The following FANCC variants were observed in gnomAD, a reference collection of about 807,000 sequenced individuals.
FANCC encodes FA complementation group C.
FANCC carries 55 observed loss-of-function variants against 71.3 expected under a neutral mutation model. The observed-to-expected ratio is 0.77, with a 90% CI of 0.62 to 0.97. The LOEUF (loss-of-function observed/expected upper bound fraction) is 0.97, where lower values mean the gene tolerates loss of function less well. Among genes scored for constraint, FANCC ranks in the 50% least tolerant of loss-of-function variants. The probability of loss-of-function intolerance (pLI) is 0.00; values close to 1 mark genes in which losing one functional copy is unlikely to be tolerated. For synonymous variants in FANCC, 275 were observed against 244.9 expected, an observed-to-expected ratio of 1.12 and a Z score of -1.15; for missense variants, 678 against 670.9, an observed-to-expected ratio of 1.01 and a Z score of -0.12.
Position 95,273,519 on chromosome 9 carries a change from C to T in FANCC, c.-78-24150G>A, listed in dbSNP as rs569716360. 5.9e-5 allele frequency among the ~76,000 whole-genome samples: 9 copies of T among 152,314 alleles called. No individual in the cohort carries two copies. The East Asian group carries it at 1.7e-3, about 29-fold the overall frequency. ...CAAATAGGAAGTGGAACTAGAAGCT[C>T]CTGCCACATCTCAGGGTGTCCACAT... On this transcript the variant is annotated intron_variant, in intron 1 of 14. Transcript: ENST00000289081.
chr9:95,308,670 C>A (rs1478583812), intron 1 of FANCC, among the ~76,000 whole-genome samples: 2 of 152,088 alleles, frequency 1.3e-5, no homozygotes, highest in Admixed American at 6.5e-5. Flanking sequence ...TGAGCCACCA[C>A]GCCCGGCCTA....
At chr9:95,160,421 G>T (rs1403046503) in intron 6 of FANCC, among the ~76,000 whole-genome samples, 1 of 152,036 alleles carries the variant, frequency 6.6e-6, no homozygotes, top group East Asian at 1.9e-4. Context: ...TGCTGTTTTG[G>T]TTACTACAGA....
chr9:95,235,006 A>G (rs917907551), intron 4 of FANCC, among the ~76,000 whole-genome samples: 1 of 152,228 alleles, frequency 6.6e-6, no homozygotes, highest in African/African-American at 2.4e-5. Context: ...TACTCAGTCA[A>G]CTAATTTAAA....
intron 4 of FANCC, among the ~76,000 whole-genome samples, chr9:95,199,940 T>G (rs1048362040): frequency 1.3e-5 from 2 of 152,180 alleles, no homozygotes; most frequent in Non-Finnish European, 2.9e-5. Flanking sequence ...CTTATCTTAT[T>G]TTTAGGATGA....
chr9:95,160,278 A>G (rs946143069), intron 6 of FANCC, among the ~76,000 whole-genome samples: 2 of 152,198 alleles, frequency 1.3e-5, no homozygotes, highest in Admixed American at 1.3e-4. Flanking sequence ...CATTTATTAA[A>G]TAGGGAATCC....
intron 1 of FANCC, among the ~76,000 whole-genome samples, chr9:95,300,503 T>A (rs1339623650): frequency 6.6e-6 from 1 of 151,032 alleles, no homozygotes; most frequent in Non-Finnish European, 1.5e-5. Context: ...CAGGCTGGAG[T>A]GCAGTGGCAC....
At chr9:95,249,761 C>A (rs1025250256) in intron 1 of FANCC, among the ~76,000 whole-genome samples, 3 of 152,008 alleles carry the variant, frequency 2.0e-5, no homozygotes, top group Admixed American at 1.3e-4. Flanking sequence ...ATAGTCTGTG[C>A]CTAAGAAATG....
rs746828156 is a variant in FANCC, at chr9:95,117,368, T to C, written c.1019A>G (p.Tyr340Cys). 6.8e-6 allele frequency: 11 copies of C among 1,614,028 alleles called. No individual in the cohort carries two copies. In the South Asian group the frequency reaches 9.9e-5, roughly 15 times the overall value. ...AAGAGATGGAGAAGTGTAAGGAAAGTAGGTCTTGAGTGCAAACCGCAGCTG... is the reference window on the plus strand; with the variant it reads ...AAGAGATGGAGAAGTGTAAGGAAAGCAGGTCTTGAGTGCAAACCGCAGCTG... The part of the protein sequence containing the change: ...SKQLRFALKT[Y>C]FPYTSPSLAM... The change falls in exon 11 of 15, where the codon TAC becomes TGC. Residue 340 changes from tyrosine to cysteine, a missense_variant. Coordinates refer to ENST00000289081, the MANE Select transcript of FANCC (RefSeq NM_000136.3).
chr9:95,122,244 G>A (rs1268944988), intron 10 of FANCC, among the ~76,000 whole-genome samples: 1 of 152,090 alleles, frequency 6.6e-6, no homozygotes, highest in African/African-American at 2.4e-5. Flanking sequence ...TTAGATATCA[G>A]GTTTACAGAT....
chr9:95,137,911 G>A (rs1827953790), intron 7 of FANCC, among the ~76,000 whole-genome samples: 1 of 152,268 alleles, frequency 6.6e-6, no homozygotes, highest in Non-Finnish European at 1.5e-5. Context: ...GAGAGGAGAG[G>A]AGTGGAGGTG....
At chr9:95,164,097 TTTTG>T (rs1360877882) in intron 6 of FANCC, among the ~76,000 whole-genome samples, 2 of 152,184 alleles carry the variant, frequency 1.3e-5, no homozygotes, top group Admixed American at 1.3e-4. Flanking sequence ...ATGCAACTGG[TTTTG>T]TGTGTTGATT....
intron 4 of FANCC, among the ~76,000 whole-genome samples, chr9:95,181,429 A>AT (rs898624082): frequency 1.3e-3 from 204 of 152,006 alleles, no homozygotes; most frequent in African/African-American, 4.6e-3. Context: ...GCTAAGAATA[A>AT]TTTTTTTTAC....
chr9:95,217,498 A>G (rs886445824), intron 4 of FANCC, among the ~76,000 whole-genome samples: 1 of 152,130 alleles, frequency 6.6e-6, no homozygotes, highest in African/African-American at 2.4e-5. Context: ...AAAACAAACA[A>G]AAAACACATT....
At chr9:95,102,399 C>T (rs1011395407) in intron 14 of FANCC, among the ~76,000 whole-genome samples, 1 of 152,196 alleles carries the variant, frequency 6.6e-6, no homozygotes, top group Non-Finnish European at 1.5e-5. Context: ...AGCCTCAAGG[C>T]ATTCGTACTT....
chr9:95,309,184 A>G (rs1179751097), intron 1 of FANCC, among the ~76,000 whole-genome samples: 1 of 152,226 alleles, frequency 6.6e-6, no homozygotes, highest in African/African-American at 2.4e-5. Flanking sequence ...CAAAAGTTTC[A>G]CTAGCTTTGC....
At chr9:95,159,033 CTT>C (rs112559084) in intron 6 of FANCC, among the ~76,000 whole-genome samples, 3 of 147,544 alleles carry the variant, frequency 2.0e-5, no homozygotes, top group Non-Finnish European at 4.5e-5. Flanking sequence ...TTTTTTTGAC[CTT>C]TTTTTTTTTA....
intron 9 of FANCC, among the ~76,000 whole-genome samples, chr9:95,125,465 A>T (rs564880671): frequency 1.3e-5 from 2 of 152,150 alleles, no homozygotes; most frequent in Non-Finnish European, 2.9e-5. Flanking sequence ...CTCTGTACAA[A>T]TATTTTTGTA....
intron 4 of FANCC, among the ~76,000 whole-genome samples, chr9:95,180,724 T>C (rs1394989539): frequency 6.6e-6 from 1 of 152,080 alleles, no homozygotes; most frequent in Non-Finnish European, 1.5e-5. Context: ...AACACAGCCA[T>C]TTATTATTAT....
intron 6 of FANCC, among the ~76,000 whole-genome samples, chr9:95,159,612 T>C (rs927671830): frequency 6.6e-6 from 1 of 152,216 alleles, no homozygotes; most frequent in East Asian, 1.9e-4. Context: ...CGCCACACTG[T>C]CTTCCACAAT....
Sources: allele counts gnomAD v4.1 joint callset (sites outside exome capture counted in the v4.1 genomes callset), GRCh38; gene constraint gnomAD v4.1.1; transcripts MANE v1.5; gene names NCBI Gene and HGNC (gene_info 2026-07-23, HGNC 2026-07-21).